The following OVCH1 variants were observed in gnomAD, a reference collection of about 807,000 sequenced individuals.
OVCH1 encodes the protein ovochymase 1, also known as ovochymase-1.
A neutral mutation model predicts 138.4 loss-of-function variants in OVCH1; 139 were observed. The observed-to-expected ratio is 1.00, with a 90% CI of 0.87 to 1.16. The LOEUF (loss-of-function observed/expected upper bound fraction) is 1.16. Among genes scored for constraint, OVCH1 ranks in the 50% most tolerant of loss-of-function variants. The probability of loss-of-function intolerance (pLI) is 0.00; values close to 1 mark genes in which losing one functional copy is unlikely to be tolerated. For synonymous variants in OVCH1, 453 were observed against 467.8 expected (o/e 0.97, Z 0.41); for missense variants, 1,367 against 1,357.9 (o/e 1.01, Z -0.11).
At chr12:29,419,341 G>A (rs1483888591) in intron 3 of OVCH1, among the ~76,000 whole-genome samples, 1 of 151,062 alleles carries the variant, frequency 6.6e-6, no homozygotes, top group Admixed American at 6.6e-5. Flanking sequence ...AGGCTGGAGT[G>A]CAGTGGCACA....
intron 27 of OVCH1, among the ~76,000 whole-genome samples, chr12:29,428,165 A>G (rs915718396): frequency 6.6e-6 from 1 of 152,020 alleles, no homozygotes; most frequent in African/African-American, 2.4e-5. Flanking sequence ...CCACCAAAAT[A>G]CCACTCTCCT....
At chr12:29,473,675 T>G (rs1942593949) in intron 14 of OVCH1, among the ~76,000 whole-genome samples, 1 of 152,156 alleles carries the variant, frequency 6.6e-6, no homozygotes, top group South Asian at 2.1e-4. Flanking sequence ...GCTAGGATCT[T>G]GAAAATCATA....
At position 29,432,725 on chromosome 12, in the gene OVCH1, G is replaced by T. The variant is rs564576554; in HGVS notation, c.3327+1026C>A. Among the ~76,000 whole-genome samples the T allele has an allele frequency of 3.3e-5, 5 of 152,298 alleles. No individual in the cohort carries two copies. In the East Asian group the frequency reaches 5.8e-4, roughly 18 times the overall value. Reference sequence around the variant, plus strand: ...AAGGAAGGAGTATAGGTAAAGAAAGGAAGAGAGTCAAAGACTGGGTCCTGG... The same window carrying T: ...AAGGAAGGAGTATAGGTAAAGAAAGTAAGAGAGTCAAAGACTGGGTCCTGG... On this transcript the variant is annotated intron_variant, in intron 27 of 27. Coordinates refer to ENST00000318184, the Ensembl canonical transcript of OVCH1.
intron 9 of OVCH1, chr12:29,477,713 CA>C: frequency 3.0e-6 from 3 of 996,504 alleles, no homozygotes; most frequent in Non-Finnish European, 4.4e-6. Context: ...GGGCCTAACT[CA>C]AAATTCAGCT....
intron 19 of OVCH1, among the ~76,000 whole-genome samples, chr12:29,456,256 T>A (rs764622077): frequency 1.3e-5 from 2 of 152,152 alleles, no homozygotes; most frequent in Non-Finnish European, 2.9e-5. Flanking sequence ...CTCTTTCCCT[T>A]CCACCAAACT....
At chr12:29,431,494 A>T (rs1418013023) in intron 27 of OVCH1, among the ~76,000 whole-genome samples, 1 of 152,142 alleles carries the variant, frequency 6.6e-6, no homozygotes, top group African/African-American at 2.4e-5. Context: ...TTTTAATGTA[A>T]ATCTTGCAAA....
At chr12:29,427,941 C>T (rs1205282795) in intron 27 of OVCH1, among the ~76,000 whole-genome samples, 1 of 152,068 alleles carries the variant, frequency 6.6e-6, no homozygotes, top group Non-Finnish European at 1.5e-5. Flanking sequence ...TTTGATTAAT[C>T]TGAGCTTTTA....
chr12:29,473,194 C>T, intron 14 of OVCH1, 91 bp from the exon 15 acceptor site: 1 of 837,916 alleles, frequency 1.2e-6, no homozygotes, highest in Non-Finnish European at 1.9e-6. Context: ...TAAAACTACT[C>T]TACTGTAGAT....
At position 29,477,579 on chromosome 12, in the gene OVCH1, C is replaced by G. The variant is rs1565602270; in HGVS notation, c.1070-1G>C. 1 of 1,613,468 alleles carries G rather than the reference C, an allele frequency of 6.2e-7. No individual in the cohort carries two copies. The highest frequency in any genetic ancestry group is 8.5e-7 in the Non-Finnish European group (1 of 1,179,742). ...TCGTCTTCCATGAGAGATCTCTGAT[C>G]TAAACACACTAAACTATTTAATGGT... On this transcript the variant is annotated splice_acceptor_variant, in intron 9 of 27. Coordinates refer to ENST00000318184, the Ensembl canonical transcript of OVCH1. LOFTEE classifies it high-confidence loss of function.
At chr12:29,416,479 T>C (rs1941032595) in intron 3 of OVCH1, among the ~76,000 whole-genome samples, 1 of 152,022 alleles carries the variant, frequency 6.6e-6, no homozygotes, top group African/African-American at 2.4e-5. Context: ...AACAATTCAA[T>C]TGGAAAATAG....
intron 19 of OVCH1, among the ~76,000 whole-genome samples, chr12:29,457,561 G>GC (rs1941994650): frequency 6.6e-6 from 1 of 151,456 alleles, no homozygotes; most frequent in Non-Finnish European, 1.5e-5. Context: ...GCACCGTCAA[G>GC]CCCGGCTAAT....
intron 21 of OVCH1, among the ~76,000 whole-genome samples, chr12:29,453,478 C>A (rs556925551): frequency 6.6e-6 from 1 of 152,232 alleles, no homozygotes; most frequent in South Asian, 2.1e-4. Context: ...TTATGGTCAG[C>A]CCCTAGACAC....
chr12:29,405,652 A>T, the OVCH1 span, among the ~76,000 whole-genome samples: 2 of 152,202 alleles, frequency 1.3e-5, no homozygotes, highest in Non-Finnish European at 2.9e-5. Flanking sequence ...TCCAAAAACT[A>T]TTTTGTATGG....
At position 29,475,056 on chromosome 12, in the gene OVCH1, C is replaced by G. The variant is rs764937587; in HGVS notation, c.1600+5G>C. The G allele has an allele frequency of 6.3e-7, 1 of 1,580,496 alleles. No individual in the cohort carries two copies. The highest frequency in any genetic ancestry group is 1.8e-5 in the Admixed American group (1 of 55,378). ...AGTCCTTATTACACAAATGTTTATA[C>G]TCACCTGAGGGCAAAATGGTAAATC... On this transcript the variant is annotated splice_donor_5th_base_variant and intron_variant, in intron 14 of 27. Coordinates refer to ENST00000318184, the Ensembl canonical transcript of OVCH1.
chr12:29,427,681 C>G, intron 27 of OVCH1: 1 of 1,545,136 alleles, frequency 6.5e-7, no homozygotes, highest in Non-Finnish European at 8.7e-7. Flanking sequence ...TTGGAAACCA[C>G]TCAGTCTATG....
At chr12:29,469,283 G>C (rs1942422820) in intron 16 of OVCH1, among the ~76,000 whole-genome samples, 1 of 152,092 alleles carries the variant, frequency 6.6e-6, no homozygotes, top group Non-Finnish European at 1.5e-5. Context: ...TGCTACTTCT[G>C]TGGTCTTTCT....
At chr12:29,423,976 C>T (rs1941141813), downstream of OVCH1, among the ~76,000 whole-genome samples, 1 of 152,134 alleles carries the variant, frequency 6.6e-6, no homozygotes, top group Non-Finnish European at 1.5e-5. Context: ...CCGAGACCAG[C>T]TCGGTCGGGG....
At chr12:29,427,195 C>T (rs1232041421), downstream of OVCH1, among the ~76,000 whole-genome samples, 2 of 152,184 alleles carry the variant, frequency 1.3e-5, no homozygotes, top group African/African-American at 4.8e-5. Flanking sequence ...TGACCTCTGA[C>T]AGTTCCCTAA....
At chr12:29,411,561 A>G (rs1167263747), downstream of OVCH1, among the ~76,000 whole-genome samples, 3 of 152,072 alleles carry the variant, frequency 2.0e-5, no homozygotes, top group South Asian at 6.2e-4. Flanking sequence ...AGCTTGCTAG[A>G]GGTCCACTCC....
Sources: allele counts gnomAD v4.1 joint callset (sites outside exome capture counted in the v4.1 genomes callset), GRCh38; gene constraint gnomAD v4.1.1; transcripts MANE v1.5; gene names NCBI Gene and HGNC (gene_info 2026-07-23, HGNC 2026-07-21).